KIAA0825: variants seen among roughly 807,000 people sequenced by gnomAD.
KIAA0825 encodes uncharacterized protein KIAA0825.
A neutral mutation model predicts 147.6 loss-of-function variants in KIAA0825; 119 were observed. The observed-to-expected ratio is 0.81, with a 90% CI of 0.69 to 0.94. KIAA0825 has a LOEUF of 0.94. KIAA0825 is among the 40% of genes least tolerant of loss of function. KIAA0825 has a pLI of 0.00. For synonymous variants in KIAA0825, 470 were observed against 518.1 expected, an observed-to-expected ratio of 0.91 and a Z score of 1.26; for missense variants, 1,381 against 1,472.7, an observed-to-expected ratio of 0.94 and a Z score of 1.02.
intron 14 of KIAA0825, 31 bp from the exon 15 acceptor site, chr5:94,417,396 A>G (rs2150713227): frequency 6.6e-7 from 1 of 1,521,830 alleles, no homozygotes; most frequent in South Asian, 1.2e-5. Context: ...AAGGAATCAA[A>G]ATGATTTAGT....
At chr5:94,292,087 A>G (rs1388465149) in intron 20 of KIAA0825, among the ~76,000 whole-genome samples, 1 of 152,152 alleles carries the variant, frequency 6.6e-6, no homozygotes, top group East Asian at 1.9e-4. Flanking sequence ...TTCCTATTTG[A>G]ATACCCATTA....
intron 2 of KIAA0825, among the ~76,000 whole-genome samples, chr5:94,548,632 T>TA (rs542417304): frequency 3.9e-5 from 6 of 151,990 alleles, no homozygotes; most frequent in Non-Finnish European, 8.8e-5. Context: ...GCTGAATGGA[T>TA]AAAAAACCAA....
intron 20 of KIAA0825, among the ~76,000 whole-genome samples, chr5:94,192,104 T>C (rs753501311): frequency 1.3e-5 from 2 of 152,254 alleles, no homozygotes; most frequent in Non-Finnish European, 2.9e-5. Flanking sequence ...CTCTTCTTTC[T>C]TACTTAGCTA....
intron 20 of KIAA0825, among the ~76,000 whole-genome samples, chr5:94,177,118 G>C (rs911118391): frequency 1.3e-5 from 2 of 152,042 alleles, no homozygotes; most frequent in Non-Finnish European, 2.9e-5. Flanking sequence ...CTGTGGTTTA[G>C]ATATTAGGTC....
At chr5:94,214,536 A>G (rs1310693173) in intron 20 of KIAA0825, among the ~76,000 whole-genome samples, 1 of 151,486 alleles carries the variant, frequency 6.6e-6, no homozygotes, top group Non-Finnish European at 1.5e-5. Flanking sequence ...TGAGCCCTCC[A>G]CTCTAGTGGC....
intron 2 of KIAA0825, among the ~76,000 whole-genome samples, chr5:94,538,716 A>T (rs1478516534): frequency 3.9e-5 from 6 of 152,240 alleles, no homozygotes; most frequent in Non-Finnish European, 7.3e-5. Flanking sequence ...GGCAGCTAGC[A>T]AGGATTTTCT....
intron 1 of KIAA0825, among the ~76,000 whole-genome samples, chr5:94,609,430 A>C (rs1660108426): frequency 6.6e-6 from 1 of 152,166 alleles, no homozygotes; most frequent in African/African-American, 2.4e-5. Context: ...ATTTCATTTT[A>C]ATTTATAATA....
At chr5:94,379,023 G>T (rs372441535) in intron 20 of KIAA0825, among the ~76,000 whole-genome samples, 3 of 152,152 alleles carry the variant, frequency 2.0e-5, no homozygotes, top group African/African-American at 4.8e-5. Flanking sequence ...CAGATGCATA[G>T]TTTGCAAGTA....
chr5:94,418,759 T>C (rs949981300), intron 14 of KIAA0825, among the ~76,000 whole-genome samples: 1 of 152,198 alleles, frequency 6.6e-6, no homozygotes. Flanking sequence ...GAATCTGATA[T>C]AGTAAGAAAC....
At chr5:94,536,615 T>A (rs1772075078) in intron 3 of KIAA0825, among the ~76,000 whole-genome samples, 1 of 152,226 alleles carries the variant, frequency 6.6e-6, no homozygotes, top group Admixed American at 6.5e-5. Flanking sequence ...AATCATAAAA[T>A]GACCAATATT....
chr5:94,500,314 A>G (rs1270745374), intron 5 of KIAA0825, among the ~76,000 whole-genome samples: 1 of 152,250 alleles, frequency 6.6e-6, no homozygotes, highest in African/African-American at 2.4e-5. Context: ...GACAAGACAA[A>G]AGTATTTTAA....
chr5:94,438,775 A>AT (rs777784633), intron 14 of KIAA0825, among the ~76,000 whole-genome samples: 38 of 152,186 alleles, frequency 2.5e-4, no homozygotes, highest in Non-Finnish European at 5.0e-4. Context: ...GACTGAAGCT[A>AT]TTTACACAAG....
At chr5:94,549,610 G>A (rs1775122592) in intron 2 of KIAA0825, among the ~76,000 whole-genome samples, 1 of 152,178 alleles carries the variant, frequency 6.6e-6, no homozygotes, top group Non-Finnish European at 1.5e-5. Context: ...CTACTTGGGA[G>A]GCAGAGGCAG....
At chr5:94,314,768 T>G (rs1779491797) in intron 20 of KIAA0825, among the ~76,000 whole-genome samples, 1 of 151,694 alleles carries the variant, frequency 6.6e-6, no homozygotes, top group African/African-American at 2.4e-5. Flanking sequence ...TTTCTTTTTC[T>G]GATAATGTTT....
chr5:94,548,952 AAG>A (rs969310213), intron 2 of KIAA0825, among the ~76,000 whole-genome samples: 3 of 152,046 alleles, frequency 2.0e-5, no homozygotes, highest in African/African-American at 7.2e-5. Flanking sequence ...ATTAGAGCTA[AAG>A]AGAGAGAGAG....
At chr5:94,529,361 T>G (rs1215504408) in intron 3 of KIAA0825, among the ~76,000 whole-genome samples, 1 of 144,692 alleles carries the variant, frequency 6.9e-6, no homozygotes, top group Admixed American at 7.1e-5. Flanking sequence ...TATGTATATA[T>G]CATATATGTA....
chr5:94,461,187 T>C (rs1759778915), intron 12 of KIAA0825, among the ~76,000 whole-genome samples: 1 of 151,976 alleles, frequency 6.6e-6, no homozygotes, highest in South Asian at 2.1e-4. Context: ...ATTTATTTGT[T>C]TTACAAATGC....
chr5:94,245,177 T>A (rs1251881617), intron 20 of KIAA0825, among the ~76,000 whole-genome samples: 1 of 152,222 alleles, frequency 6.6e-6, no homozygotes, highest in Non-Finnish European at 1.5e-5. Context: ...TGCCCATGGC[T>A]TACCTTCCAA....
intron 20 of KIAA0825, among the ~76,000 whole-genome samples, chr5:94,193,786 C>T (rs764443150): frequency 1.3e-5 from 2 of 152,186 alleles, no homozygotes; most frequent in Non-Finnish European, 1.5e-5. Context: ...TGGATTCAAA[C>T]CAAAGTGGCC....
Sources: gnomAD v4.1 joint callset for allele counts (sites outside exome capture counted in the v4.1 genomes callset) on GRCh38, gnomAD v4.1.1 for gene constraint, MANE v1.5 for transcripts, NCBI Gene and HGNC (gene_info 2026-07-23, HGNC 2026-07-21) for gene names.